The following LRRC20 variants were observed in gnomAD, a reference collection of about 807,000 sequenced individuals.
LRRC20 encodes the protein leucine-rich repeat-containing protein 20.
In LRRC20, 11 loss-of-function variants were observed where a neutral mutation model predicts 14.4. The ratio of observed to expected loss-of-function variants is 0.77; its 90% confidence interval spans 0.48 to 1.27. LRRC20 has a LOEUF of 1.27. Ranked by LOEUF, LRRC20 falls within the 50% of genes most tolerant of loss-of-function variation. The pLI is 0.00. For missense variants in LRRC20, 219 were observed against 251.2 expected (o/e 0.87, Z 0.87); for synonymous variants, 121 against 107.3 (o/e 1.13, Z -0.79).
chr10:70,319,994 C>T (rs1842014771), intron 4 of LRRC20, among the ~76,000 whole-genome samples: 1 of 152,154 alleles, frequency 6.6e-6, no homozygotes, highest in Admixed American at 6.5e-5. Context: ...CACTCTGCTT[C>T]CCTTTCACCT....
chr10:70,363,932 C>A (rs1843861585), intron 2 of LRRC20, among the ~76,000 whole-genome samples: 1 of 152,196 alleles, frequency 6.6e-6, no homozygotes, highest in Non-Finnish European at 1.5e-5. Context: ...GCAGCACAGA[C>A]CCTGCAGTGG....
At chr10:70,305,751 T>C (rs575778915) in intron 4 of LRRC20, among the ~76,000 whole-genome samples, 26 of 151,906 alleles carry the variant, frequency 1.7e-4, no homozygotes, top group African/African-American at 6.3e-4. Flanking sequence ...CAATTTTTTT[T>C]TTTTTTTGAG....
At chr10:70,366,412 G>T (rs1383352818) in intron 2 of LRRC20, among the ~76,000 whole-genome samples, 1 of 150,762 alleles carries the variant, frequency 6.6e-6, no homozygotes, top group Non-Finnish European at 1.5e-5. Context: ...GACAAGAAGT[G>T]AAACTCTGTC....
intron 2 of LRRC20, among the ~76,000 whole-genome samples, chr10:70,359,763 A>G (rs1022406668): frequency 6.6e-6 from 1 of 152,124 alleles, no homozygotes; most frequent in Non-Finnish European, 1.5e-5. Flanking sequence ...CATTAAGTAG[A>G]ATGTTCTCCC....
chr10:70,300,667 C>G lies in LRRC20; in HGVS notation c.*687G>C, dbSNP rs1841137274. ...CCAATTTGTTAACTGTGGGGAATGACAGAGCTGACGTGACTTGCTCCCCAT... is the reference window on the plus strand; with the variant it reads ...CCAATTTGTTAACTGTGGGGAATGAGAGAGCTGACGTGACTTGCTCCCCAT... On this transcript the variant is annotated 3_prime_UTR_variant, in exon 5 of 5. Coordinates refer to ENST00000446961, the MANE Select transcript of LRRC20 (RefSeq NM_001278212.2). The G allele has an allele frequency of 6.1e-6, 6 of 985,658 alleles. No homozygotes were observed. The highest frequency in any genetic ancestry group is 7.2e-6 in the Non-Finnish European group (6 of 830,098). The allele number at this position is 985,658 out of a possible 1,614,324, so 61.1% of individuals were successfully genotyped here. A position where few individuals can be genotyped will look rare whatever the true frequency, so the allele number is the denominator to read the frequency against.
chr10:70,372,264 T>C (rs1030991885), intron 2 of LRRC20, among the ~76,000 whole-genome samples: 8 of 152,190 alleles, frequency 5.3e-5, no homozygotes, highest in African/African-American at 1.9e-4. Flanking sequence ...TTATAGAACA[T>C]TTAGAAAATG....
chr10:70,348,197 G>A (rs1253648127), intron 2 of LRRC20, among the ~76,000 whole-genome samples: 1 of 152,168 alleles, frequency 6.6e-6, no homozygotes, highest in Non-Finnish European at 1.5e-5. Context: ...AGGCAATCCA[G>A]GAGTTCCACA....
At chr10:70,341,740 C>T (rs1392297626) in intron 2 of LRRC20, among the ~76,000 whole-genome samples, 1 of 152,126 alleles carries the variant, frequency 6.6e-6, no homozygotes, top group Non-Finnish European at 1.5e-5. Context: ...TGCACACCAG[C>T]CTGGGCAACA....
intron 3 of LRRC20, 30 bp downstream of exon 3, chr10:70,340,523 C>A: frequency 1.2e-6 from 2 of 1,613,280 alleles, no homozygotes; most frequent in Non-Finnish European, 1.7e-6. Context: ...GCTGGCCATG[C>A]CCTCCTGGCT....
chr10:70,329,403 AG>A (rs1024539108), intron 3 of LRRC20, among the ~76,000 whole-genome samples: 39 of 152,264 alleles, frequency 2.6e-4, no homozygotes, highest in African/African-American at 9.4e-4. Flanking sequence ...CTTGGGGGAA[AG>A]GCTTTCATCA....
At chr10:70,329,770 G>T (rs977242026) in intron 3 of LRRC20, among the ~76,000 whole-genome samples, 1 of 151,992 alleles carries the variant, frequency 6.6e-6, no homozygotes, top group African/African-American at 2.4e-5. Context: ...TCCCCATGTT[G>T]CCCAGGCTGG....
chr10:70,382,350 G>C (rs1380977601), intron 1 of LRRC20, 199 bp downstream of exon 1: 3 of 152,470 alleles, frequency 2.0e-5, no homozygotes, highest in Admixed American at 6.5e-5. Flanking sequence ...CGAGCCCCTT[G>C]GCACCGCCAG....
At chr10:70,304,483 T>TATATATATATATATATATATAC (rs1564607853) in intron 4 of LRRC20, among the ~76,000 whole-genome samples, 9 of 67,446 alleles carry the variant, frequency 1.3e-4, no homozygotes, top group Non-Finnish European at 2.2e-4. Flanking sequence ...TATATATATA[T>TATATATATATATATATATATAC]ATATATATAT....
chr10:70,308,599 G>A (rs370150160), intron 4 of LRRC20, among the ~76,000 whole-genome samples: 25 of 152,102 alleles, frequency 1.6e-4, no homozygotes, highest in African/African-American at 7.2e-5. Context: ...TGGCTATAGG[G>A]CAGCCGGGGT....
intron 4 of LRRC20, among the ~76,000 whole-genome samples, chr10:70,302,373 G>C: frequency 6.6e-6 from 1 of 152,190 alleles, no homozygotes; most frequent in South Asian, 2.1e-4. Flanking sequence ...GACAAATACC[G>C]TATGACTCCA....
chr10:70,300,686 TC>T lies in LRRC20; in HGVS notation c.*667del. The T allele has an allele frequency of 1.0e-6, 1 of 985,568 alleles. No individual in the cohort carries two copies. Among genetic ancestry groups the T allele is most frequent in the South Asian group, 4.7e-5 (1 of 21,288 alleles). The allele number at this position is 985,568 out of a possible 1,614,324, so 61.1% of individuals were successfully genotyped here. A position where few individuals can be genotyped will look rare whatever the true frequency, so the allele number is the denominator to read the frequency against. ...GAATGACAGAGCTGACGTGACTTGCTCCCCATTCCCAGCCTGCTGGTCCTCG... is the reference window on the plus strand; with the variant it reads ...GAATGACAGAGCTGACGTGACTTGCTCCCATTCCCAGCCTGCTGGTCCTCG... On this transcript the variant is annotated 3_prime_UTR_variant, in exon 5 of 5. Coordinates refer to ENST00000446961, the MANE Select transcript of LRRC20 (RefSeq NM_001278212.2).
At chr10:70,313,207 C>T (rs970070793) in intron 4 of LRRC20, among the ~76,000 whole-genome samples, 11 of 152,354 alleles carry the variant, frequency 7.2e-5, no homozygotes, top group African/African-American at 7.2e-5. Context: ...TTATCCTCCC[C>T]GCCCTCTGCA....
intron 2 of LRRC20, among the ~76,000 whole-genome samples, chr10:70,360,690 G>A (rs533795988): frequency 1.3e-5 from 2 of 152,046 alleles, no homozygotes; most frequent in Middle Eastern, 3.4e-3. Flanking sequence ...TGATCCTCCC[G>A]CCCTGGCCTC....
At chr10:70,327,416 A>T (rs1260088641) in intron 3 of LRRC20, among the ~76,000 whole-genome samples, 2 of 152,048 alleles carry the variant, frequency 1.3e-5, no homozygotes, top group Non-Finnish European at 2.9e-5. Context: ...CTCTATTAAA[A>T]ATACAAAAAT....
Sources: gnomAD v4.1 joint callset for allele counts (sites outside exome capture counted in the v4.1 genomes callset) on GRCh38, gnomAD v4.1.1 for gene constraint, MANE v1.5 for transcripts, NCBI Gene and HGNC (gene_info 2026-07-23, HGNC 2026-07-21) for gene names.